CCDC69: variants seen among roughly 807,000 people sequenced by gnomAD.
CCDC69 encodes the protein coiled-coil domain-containing protein 69.
In CCDC69, 38 loss-of-function variants were observed where a neutral mutation model predicts 40.3. The ratio of observed to expected loss-of-function variants is 0.94; its 90% CI spans 0.73 to 1.24. The LOEUF is 1.24. CCDC69 is among the 50% of genes most tolerant of loss of function. CCDC69 has a pLI of 0.00. For missense variants in CCDC69, 389 were observed against 357.9 expected (o/e 1.09, Z -0.70); for synonymous variants, 141 against 138.9 (o/e 1.02, Z -0.11).
intron 1 of CCDC69, among the ~76,000 whole-genome samples, chr5:151,208,345 C>A (rs1460690172): frequency 6.6e-6 from 1 of 152,244 alleles, no homozygotes. Flanking sequence ...TGAAGAACCA[C>A]TGAAATACTT....
At chr5:151,215,715 C>T (rs1004130774) in intron 1 of CCDC69, 6 of 332,868 alleles carry the variant, frequency 1.8e-5, no homozygotes, top group Admixed American at 9.4e-5. Flanking sequence ...AGAGCTCAGC[C>T]ATCTCCCAAG....
chr5:151,213,488 G>A (rs1194335112), intron 1 of CCDC69, among the ~76,000 whole-genome samples: 9 of 151,558 alleles, frequency 5.9e-5, no homozygotes, highest in African/African-American at 1.9e-4. Context: ...TCCTGACCTA[G>A]TGATCCACCC....
intron 4 of CCDC69, among the ~76,000 whole-genome samples, chr5:151,188,630 C>T (rs1165494381): frequency 1.3e-5 from 2 of 151,032 alleles, no homozygotes; most frequent in East Asian, 3.9e-4. Flanking sequence ...AAATAATGTT[C>T]AGTAATATAA....
At chr5:151,214,231 G>T (rs546021803) in intron 1 of CCDC69, among the ~76,000 whole-genome samples, 1 of 152,302 alleles carries the variant, frequency 6.6e-6, no homozygotes, top group Admixed American at 6.5e-5. Flanking sequence ...TATCAGAGCT[G>T]CCTTTCCGGT....
At chr5:151,187,906 G>A (rs144829329) in intron 4 of CCDC69, among the ~76,000 whole-genome samples, 3,501 of 152,244 alleles carry the variant, frequency 0.023, 59 homozygotes, top group Middle Eastern at 0.071. Context: ...TTGTGGCTAG[G>A]AAATCCACCT....
Position 151,184,454 on chromosome 5 carries a change from G to C in CCDC69, c.616-13C>G. 1 of 1,572,914 alleles carries C rather than the reference G, an allele frequency of 6.4e-7. No homozygotes were observed. Among genetic ancestry groups the C allele is most frequent in the Non-Finnish European group, 8.8e-7 (1 of 1,142,500 alleles). ...GATTTTTCTCTTTCTATAACAATGA[G>C]AATGAGCTCAGAAAGCTGCCAAACT... On this transcript the variant is annotated splice_polypyrimidine_tract_variant and intron_variant, in intron 7 of 8. Coordinates refer to ENST00000355417, the MANE Select transcript of CCDC69 (RefSeq NM_015621.3).
At chr5:151,207,073 C>T (rs1264124823) in intron 1 of CCDC69, among the ~76,000 whole-genome samples, 1 of 152,016 alleles carries the variant, frequency 6.6e-6, no homozygotes, top group Non-Finnish European at 1.5e-5. Flanking sequence ...CATGTGCCAC[C>T]ACACCTGGCT....
At chr5:151,222,058 T>C (rs1424551852) in intron 1 of CCDC69, among the ~76,000 whole-genome samples, 1 of 152,250 alleles carries the variant, frequency 6.6e-6, no homozygotes, top group Non-Finnish European at 1.5e-5. Context: ...GATTTTACGC[T>C]AAAGTCATCA....
chr5:151,185,267 A>G, intron 7 of CCDC69, 155 bp downstream of exon 7: 1 of 758,482 alleles, frequency 1.3e-6, no homozygotes, highest in South Asian at 1.7e-5. Context: ...CTGGCCACAG[A>G]CCATGCTCAG....
At chr5:151,218,434 C>T (rs923304691) in intron 1 of CCDC69, among the ~76,000 whole-genome samples, 3 of 152,176 alleles carry the variant, frequency 2.0e-5, no homozygotes, top group Non-Finnish European at 4.4e-5. Context: ...CCAAGTACAC[C>T]CTGAGGTGTC....
At position 151,182,938 on chromosome 5, in the gene CCDC69, C is replaced by T. The variant is rs1294777785; in HGVS notation, c.*499G>A. ...CTTCAGACAATCCTAGAATGGGACA[C>T]TGCAGTGACATAAGAGTCCTTTGAC... is the stretch of plus-strand genomic sequence containing the variant. On this transcript the variant is annotated 3_prime_UTR_variant, in exon 9 of 9. Coordinates refer to ENST00000355417, the MANE Select transcript of CCDC69 (RefSeq NM_015621.3). 1 of 423,138 alleles carries T rather than the reference C, an allele frequency of 2.4e-6. No homozygotes were observed. Among genetic ancestry groups the T allele is most frequent in the Non-Finnish European group, 4.8e-6 (1 of 208,378 alleles). 26.2% of individuals were successfully genotyped at this position (423,138 alleles called of 1,614,324 possible).
intron 1 of CCDC69, among the ~76,000 whole-genome samples, chr5:151,222,870 G>A (rs111347987): frequency 2.6e-5 from 4 of 152,278 alleles, no homozygotes; most frequent in South Asian, 4.1e-4. Flanking sequence ...AATCCTCCAG[G>A]CTAGGACTAC....
chr5:151,219,587 T>C (rs1753107169), intron 1 of CCDC69, among the ~76,000 whole-genome samples: 1 of 152,128 alleles, frequency 6.6e-6, no homozygotes, highest in Non-Finnish European at 1.5e-5. Flanking sequence ...GGAAGAATAT[T>C]AAGTAACTGG....
At position 151,223,616 on chromosome 5, in the gene CCDC69, C is replaced by G. The variant is rs578221480; in HGVS notation, c.48+307G>C. Among the ~76,000 whole-genome samples the G allele has an allele frequency of 3.9e-5, 6 of 152,330 alleles. No individual in the cohort carries two copies. The East Asian group carries it at 7.7e-4, about 20-fold the overall frequency. ...TGTCCATGGCCACACAGCGAACAGC[C>G]CCAGACCGAAAGCAGAGGGCACCTG... On this transcript the variant is annotated intron_variant, in intron 1 of 8. Transcript: ENST00000355417.
chr5:151,189,274 C>A (rs1752569748), intron 4 of CCDC69, among the ~76,000 whole-genome samples: 1 of 151,714 alleles, frequency 6.6e-6, no homozygotes, highest in African/African-American at 2.4e-5. Flanking sequence ...AAAGTCTTAG[C>A]AAATAAATAG....
rs144230503 is a variant in CCDC69, at chr5:151,193,677, G to A, written c.319+5320C>T. Among the ~76,000 whole-genome samples the A allele has an allele frequency of 2.1e-4, 32 of 152,218 alleles. No individual in the cohort carries two copies. The East Asian group carries it at 6.2e-3, about 29-fold the overall frequency. ...GAAGAAAACATTGAAGAAAATCTTT[G>A]TTACCTGGGGTTTAGCAAAGAGTTC... On this transcript the variant is annotated intron_variant, in intron 4 of 8. Transcript: ENST00000355417.
intron 2 of CCDC69, among the ~76,000 whole-genome samples, 185 bp downstream of exon 2, chr5:151,205,215 A>G (rs1040675935): frequency 2.6e-5 from 4 of 152,182 alleles, no homozygotes; most frequent in African/African-American, 9.7e-5. Flanking sequence ...TGGTATCAAC[A>G]GCCTAGAATA....
At chr5:151,199,630 C>T (rs977808156) in intron 3 of CCDC69, among the ~76,000 whole-genome samples, 1 of 152,116 alleles carries the variant, frequency 6.6e-6, no homozygotes, top group African/African-American at 2.4e-5. Context: ...GCTGATGGGG[C>T]ATATCCAGAG....
At chr5:151,218,971 C>T (rs887484303) in intron 1 of CCDC69, among the ~76,000 whole-genome samples, 1 of 152,180 alleles carries the variant, frequency 6.6e-6, no homozygotes, top group Non-Finnish European at 1.5e-5. Flanking sequence ...TTTAGGTTGC[C>T]AAACGCAAAA....
Sources: gnomAD v4.1 joint callset for allele counts (sites outside exome capture counted in the v4.1 genomes callset) on GRCh38, gnomAD v4.1.1 for gene constraint, MANE v1.5 for transcripts, NCBI Gene and HGNC (gene_info 2026-07-23, HGNC 2026-07-21) for gene names.